Variants in PAPPA observed in about 807,000 individuals in gnomAD.
PAPPA encodes the protein pappalysin 1.
Under a neutral mutation model 164.0 loss-of-function variants are expected in PAPPA, and 60 were observed. The ratio of observed to expected loss-of-function variants is 0.37; its 90% CI spans 0.30 to 0.45. PAPPA has a LOEUF of 0.45. Among genes scored for constraint, PAPPA ranks in the 20% least tolerant of loss-of-function variants. The pLI, the probability that PAPPA is intolerant of heterozygous loss-of-function variation, is 1.00. For synonymous variants in PAPPA, 875 were observed against 814.1 expected (o/e 1.07, Z -1.27); for missense variants, 1,782 against 2,087.3 (o/e 0.85, Z 2.85).
At chr9:116,242,329 T>A (rs1187711572) in intron 7 of PAPPA, among the ~76,000 whole-genome samples, 3 of 152,074 alleles carry the variant, frequency 2.0e-5, no homozygotes, top group South Asian at 4.2e-4. Flanking sequence ...TGGTTGAAAC[T>A]AAGTGGATGT....
At position 116,348,300 on chromosome 9, in the gene PAPPA, CA is replaced by C. The variant is rs1374765307; in HGVS notation, c.3964+1094del. ...GGATCTACTGGCAGCAAGGACTGGGCAAAGGTCCTGCTGCCTTTCTCTTGAA... is the reference window on the plus strand; with the variant it reads ...GGATCTACTGGCAGCAAGGACTGGGCAAGGTCCTGCTGCCTTTCTCTTGAA... On this transcript the variant is annotated intron_variant, in intron 15 of 21. Coordinates refer to ENST00000328252, the MANE Select transcript of PAPPA (RefSeq NM_002581.5). Among the ~76,000 whole-genome samples the C allele has an allele frequency of 3.3e-5, 5 of 151,752 alleles. No individual in the cohort carries two copies. The East Asian group carries it at 7.8e-4, about 24-fold the overall frequency.
chr9:116,303,160 ACTGTCCTC>A (rs1463834251), intron 10 of PAPPA, among the ~76,000 whole-genome samples: 2 of 152,190 alleles, frequency 1.3e-5, no homozygotes, highest in Non-Finnish European at 2.9e-5. Flanking sequence ...TAGGGTAATG[ACTGTCCTC>A]CTATTTCCTT....
intron 2 of PAPPA, among the ~76,000 whole-genome samples, chr9:116,193,280 C>A (rs1370328436): frequency 6.6e-6 from 1 of 152,136 alleles, no homozygotes; most frequent in Admixed American, 6.5e-5. Context: ...CCTCTGCTGG[C>A]AGCTATAGCC....
chr9:116,158,083 G>A (rs191524733), intron 1 of PAPPA, among the ~76,000 whole-genome samples: 16 of 152,190 alleles, frequency 1.1e-4, no homozygotes, highest in African/African-American at 3.6e-4. Context: ...TTAGTGATTC[G>A]GAATTCCTGC....
At chr9:116,250,459 C>A (rs527674686) in intron 7 of PAPPA, among the ~76,000 whole-genome samples, 2 of 152,180 alleles carry the variant, frequency 1.3e-5, no homozygotes, top group Non-Finnish European at 2.9e-5. Context: ...ATATGACTTG[C>A]GGCCATTTAT....
chr9:116,363,879 G>C (rs1564242475), intron 18 of PAPPA, among the ~76,000 whole-genome samples: 2 of 152,212 alleles, frequency 1.3e-5, no homozygotes, highest in Non-Finnish European at 2.9e-5. Flanking sequence ...GTTCTTCACT[G>C]TAACTTACAG....
In PAPPA at chr9:116,384,002, A is replaced by T. The variant is rs562002436; in HGVS notation, c.4776+1509A>T. On this transcript the variant is annotated intron_variant, in intron 21 of 21. Coordinates refer to ENST00000328252, the MANE Select transcript of PAPPA (RefSeq NM_002581.5). ...AAACCACTGCTTTTTATTTTGGTGT[A>T]TTTTATTCTGTGAATTTTGTTAAGT... Among the ~76,000 whole-genome samples the T allele has an allele frequency of 5.3e-5, 8 of 152,126 alleles. No individual in the cohort carries two copies. In the East Asian group the frequency reaches 1.5e-3, roughly 29 times the overall value.
chr9:116,205,614 G>T (rs1267032422), intron 2 of PAPPA, among the ~76,000 whole-genome samples: 2 of 152,142 alleles, frequency 1.3e-5, no homozygotes, highest in African/African-American at 4.8e-5. Flanking sequence ...ATCTAGATTT[G>T]TACTTGGCCT....
chr9:116,251,568 G>A (rs1227278619), intron 7 of PAPPA, among the ~76,000 whole-genome samples: 1 of 152,174 alleles, frequency 6.6e-6, no homozygotes, highest in Non-Finnish European at 1.5e-5. Context: ...GCCCTCCGTT[G>A]GACTCCCTGG....
intron 10 of PAPPA, among the ~76,000 whole-genome samples, chr9:116,304,093 G>T (rs1447524051): frequency 2.0e-5 from 3 of 152,140 alleles, no homozygotes; most frequent in Non-Finnish European, 2.9e-5. Flanking sequence ...AATGGCTAGG[G>T]TTCATCCTCC....
chr9:116,154,047 A>C lies in PAPPA; in HGVS notation c.-126A>C. 1 of 1,121,106 alleles carries C rather than the reference A, an allele frequency of 8.9e-7. No homozygotes were observed. Among genetic ancestry groups the C allele is most frequent in the Non-Finnish European group, 1.1e-6 (1 of 906,970 alleles). 69.4% of individuals were successfully genotyped at this position (1,121,106 alleles called of 1,614,324 possible). On this transcript the variant is annotated 5_prime_UTR_variant, in exon 1 of 22. Transcript: ENST00000328252. The surrounding 1 kb of genome is among the most constrained non-coding windows in gnomAD (Gnocchi z 5.2). Reference sequence around the variant, plus strand: ...AAGCGAGAAAGAAAAGAAAAAAGCAAGTGGAAAGGGGGGCTCGCCCAAGAA... The same window carrying C: ...AAGCGAGAAAGAAAAGAAAAAAGCACGTGGAAAGGGGGGCTCGCCCAAGAA...
chr9:116,367,611 G>C, intron 18 of PAPPA, 34 bp from the exon 19 acceptor site: 2 of 1,515,744 alleles, frequency 1.3e-6, no homozygotes, highest in Non-Finnish European at 1.8e-6. Context: ...AGGGTCTCGG[G>C]CCTGAGCTGC....
chr9:116,374,262 A>AAGAT (rs910337646), intron 19 of PAPPA, among the ~76,000 whole-genome samples: 3 of 151,896 alleles, frequency 2.0e-5, no homozygotes, highest in African/African-American at 7.2e-5. Flanking sequence ...CCAGGAAGAA[A>AAGAT]AGATAGTCTA....
chr9:116,330,169 C>T (rs1845971155), intron 10 of PAPPA, among the ~76,000 whole-genome samples: 1 of 152,094 alleles, frequency 6.6e-6, no homozygotes, highest in Non-Finnish European at 1.5e-5. Flanking sequence ...ATGACAGGCC[C>T]AAATTCACAG....
chr9:116,360,163 A>G lies in PAPPA; in HGVS notation c.4348-2429A>G, dbSNP rs189125334. 3.3e-3 allele frequency among the ~76,000 whole-genome samples: 503 copies of G among 152,308 alleles called. 15 individuals are homozygous for G. The South Asian group carries it at 0.067, about 20-fold the overall frequency. On this transcript the variant is annotated intron_variant, in intron 17 of 21. Coordinates refer to ENST00000328252, the MANE Select transcript of PAPPA (RefSeq NM_002581.5). ...CAGCCCTTTAGGGGTTGGAATCCAAATGCATCACAGGCCCAGGCCAAGGCT... is the reference window on the plus strand; with the variant it reads ...CAGCCCTTTAGGGGTTGGAATCCAAGTGCATCACAGGCCCAGGCCAAGGCT...
At chr9:116,350,745 T>A (rs1846270830) in intron 15 of PAPPA, among the ~76,000 whole-genome samples, 1 of 152,194 alleles carries the variant, frequency 6.6e-6, no homozygotes, top group South Asian at 2.1e-4. Flanking sequence ...CCCAAAGCAA[T>A]GACTGCCCCG....
chr9:116,254,981 C>G (rs891608546), intron 7 of PAPPA, among the ~76,000 whole-genome samples: 2 of 151,772 alleles, frequency 1.3e-5, no homozygotes, highest in African/African-American at 4.8e-5. Flanking sequence ...TATACTGTCA[C>G]TTCCCAGTCT....
intron 10 of PAPPA, among the ~76,000 whole-genome samples, chr9:116,320,913 T>C (rs1219412204): frequency 2.6e-5 from 4 of 152,174 alleles, no homozygotes; most frequent in African/African-American, 7.2e-5. Flanking sequence ...GAGAGGTCTA[T>C]AGTGCTCCGC....
chr9:116,317,284 C>T (rs192399319), intron 10 of PAPPA, among the ~76,000 whole-genome samples: 11 of 152,282 alleles, frequency 7.2e-5, no homozygotes, highest in Non-Finnish European at 1.5e-4. Flanking sequence ...CCAAGGGTTT[C>T]GGTGACCAGG....
Sources: allele counts gnomAD v4.1 joint callset (sites outside exome capture counted in the v4.1 genomes callset), GRCh38; gene constraint gnomAD v4.1.1; non-coding constraint Gnocchi (gnomAD v3.1); transcripts MANE v1.5; gene names NCBI Gene and HGNC (gene_info 2026-07-23, HGNC 2026-07-21).